Variants in DSG4 observed in about 807,000 individuals in gnomAD.
DSG4 encodes desmoglein-4.
DSG4 carries 87 observed loss-of-function variants against 93.1 expected under a neutral mutation model. The observed-to-expected ratio is 0.93, with a 90% CI of 0.79 to 1.12. The LOEUF is 1.12. Among genes scored for constraint, DSG4 ranks in the 50% most tolerant of loss-of-function variants. The pLI, the probability that DSG4 is intolerant of heterozygous loss-of-function variation, is 0.00. For missense variants in DSG4, 1,373 were observed against 1,285.7 expected (o/e 1.07, Z -1.04); for synonymous variants, 432 against 452.9 (o/e 0.95, Z 0.59).
chr18:31,381,904 C>T (rs1300964784), intron 1 of DSG4, among the ~76,000 whole-genome samples: 4 of 150,814 alleles, frequency 2.7e-5, no homozygotes, highest in South Asian at 4.2e-4. Context: ...CTCCTAACCT[C>T]GTGATCTGCC....
intron 2 of DSG4, among the ~76,000 whole-genome samples, chr18:31,386,124 T>A (rs1459727817): frequency 6.6e-6 from 1 of 152,076 alleles, no homozygotes; most frequent in Admixed American, 6.6e-5. Flanking sequence ...ATTGGAGGAA[T>A]CATCAATTCC....
intron 6 of DSG4, 34 bp from the exon 7 acceptor site, chr18:31,391,044 C>T (rs2072243141): frequency 6.2e-7 from 1 of 1,612,440 alleles, no homozygotes; most frequent in African/African-American, 1.3e-5. Context: ...CAAGACAAAA[C>T]CTAAGTCTTA....
chr18:31,395,051 G>T (rs1018992652), intron 8 of DSG4, among the ~76,000 whole-genome samples: 1 of 152,046 alleles, frequency 6.6e-6, no homozygotes, highest in African/African-American at 2.4e-5. Context: ...AAAGATAGTA[G>T]AGACTCACAA....
chr18:31,399,130 G>C (rs2144194654), intron 8 of DSG4, 142 bp from the exon 9 acceptor site: 1 of 1,014,874 alleles, frequency 9.9e-7, no homozygotes, highest in South Asian at 1.5e-5. Flanking sequence ...GCAGTAATAA[G>C]TAAAATTTTT....
chr18:31,403,552 T>C lies in DSG4; in HGVS notation c.1554T>C (p.His518=). The change falls in exon 11 of 16, where the codon CAT becomes CAC. Residue 518 remains histidine, a synonymous_variant. Transcript: ENST00000308128. ...SPSVLISVNE[H]SYGSPFTFCV... ...CAGTCCTTATCTCTGTTAATGAACA[T>C]TCTTATGGGTCTCCGTTTACTTTCT... The C allele has an allele frequency of 6.2e-7, 1 of 1,614,102 alleles. No homozygotes were observed. The highest frequency in any genetic ancestry group is 1.3e-5 in the African/African-American group (1 of 75,040).
intron 1 of DSG4, among the ~76,000 whole-genome samples, chr18:31,383,090 C>T (rs1208847784): frequency 6.6e-6 from 1 of 152,164 alleles, no homozygotes; most frequent in Non-Finnish European, 1.5e-5. Context: ...ACTATGAATG[C>T]GCCCTTGAAA....
chr18:31,413,419 A>C lies in DSG4; in HGVS notation c.2947A>C (p.Thr983Pro), dbSNP rs747773075. ...GVPDMSNSST[T>P]EGCMGPVMSG... ...GCCTGACATGAGCAATAGTAGCACGACTGAGGGTTGTATGGGACCTGTGAT... is the reference window on the plus strand; with the variant it reads ...GCCTGACATGAGCAATAGTAGCACGCCTGAGGGTTGTATGGGACCTGTGAT... Residue 983 changes from threonine (T) to proline (P), a missense_variant, in exon 16 of 16, where the codon ACT becomes CCT. Thr to Pro is a conservative substitution (Grantham distance 38). Coordinates refer to ENST00000308128, the MANE Select transcript of DSG4 (RefSeq NM_177986.5). 1 of 1,613,932 alleles carries C rather than the reference A, an allele frequency of 6.2e-7. No homozygotes were observed. The highest frequency in any genetic ancestry group is 8.5e-7 in the Non-Finnish European group (1 of 1,179,818).
intron 1 of DSG4, among the ~76,000 whole-genome samples, chr18:31,379,008 C>T (rs1273242489): frequency 2.0e-5 from 3 of 152,162 alleles, no homozygotes; most frequent in African/African-American, 4.8e-5. Flanking sequence ...TACATCTCAA[C>T]CGCAAAGAGC....
intron 10 of DSG4, among the ~76,000 whole-genome samples, chr18:31,403,183 G>A (rs1339048471): frequency 2.6e-5 from 4 of 152,168 alleles, no homozygotes; most frequent in Admixed American, 2.6e-4. Flanking sequence ...GAATGTGCCA[G>A]AGTCCAGAGT....
intron 10 of DSG4, 143 bp from the exon 11 acceptor site, chr18:31,403,273 T>G (rs1328228014): frequency 8.4e-6 from 6 of 710,478 alleles, no homozygotes; most frequent in East Asian, 8.1e-5. Flanking sequence ...TGACTTTGGG[T>G]CACTGAAGCG....
At chr18:31,407,962 A>G (rs79503724) in intron 12 of DSG4, among the ~76,000 whole-genome samples, 6,902 of 152,274 alleles carry the variant, frequency 0.045, 471 homozygotes, top group African/African-American at 0.15. Flanking sequence ...AGGGCTAAAA[A>G]CCCAGTGCCA....
chr18:31,383,008 A>G (rs1490721760), intron 1 of DSG4, among the ~76,000 whole-genome samples: 2 of 152,204 alleles, frequency 1.3e-5, no homozygotes, highest in Non-Finnish European at 2.9e-5. Flanking sequence ...TAAACTACAG[A>G]CAAGTCTGCT....
rs762893825 is a variant in DSG4 at position 31,386,690 on chromosome 18, G to T, written c.87G>T (p.Val29=). ...CACCTGAACCATTTTTGCTTAAGGT[G>T]AAGGAATTTGACATTGAAAATGGCA... The part of the protein sequence containing the change: ...MEVNSEFIVE[V]KEFDIENGTT... Residue 29 remains valine, a splice_region_variant and synonymous_variant, in exon 3 of 16, where the codon GTG becomes GTT. Transcript: ENST00000308128. 1.2e-5 allele frequency: 19 copies of T among 1,612,860 alleles called. No homozygotes were observed. The highest frequency in any genetic ancestry group is 1.6e-4 in the Middle Eastern group (1 of 6,076).
Position 31,403,451 on chromosome 18 carries a change from ATT to A in DSG4, c.1454_1455del (p.Ile485ArgfsTer4), listed in dbSNP as rs759548868. The A allele has an allele frequency of 1.2e-6, 2 of 1,613,666 alleles. No homozygotes were observed. The highest frequency in any genetic ancestry group is 2.2e-5 in the South Asian group (2 of 90,990). ...SGKTATGTIC[I>X]EVPDINDYCP... ...AAAAACAGCTACAGGAACCATATGT[ATT>A]GAGGTTCCTGATATCAATGATTATT... On this transcript the variant is annotated frameshift_variant, in exon 11 of 16. Transcript: ENST00000308128. LOFTEE classifies it high-confidence loss of function.
chr18:31,387,791 T>C (rs1441764309), intron 3 of DSG4, among the ~76,000 whole-genome samples: 1 of 152,158 alleles, frequency 6.6e-6, no homozygotes, highest in African/African-American at 2.4e-5. Flanking sequence ...TCAGTTTAAA[T>C]TTATCAGCAA....
At chr18:31,402,936 A>C (rs1035600517) in intron 10 of DSG4, among the ~76,000 whole-genome samples, 1 of 152,240 alleles carries the variant, frequency 6.6e-6, no homozygotes, top group African/African-American at 2.4e-5. Flanking sequence ...CAGTGAGCAC[A>C]CAAGAAAAAC....
At chr18:31,398,716 A>G (rs1259131252) in intron 8 of DSG4, among the ~76,000 whole-genome samples, 2 of 152,188 alleles carry the variant, frequency 1.3e-5, no homozygotes, top group Non-Finnish European at 2.9e-5. Context: ...TATGCCCCAT[A>G]AAGGAGTCTT....
intron 6 of DSG4, 47 bp from the exon 7 acceptor site, chr18:31,391,031 A>G (rs2072242891): frequency 6.2e-7 from 1 of 1,611,082 alleles, no homozygotes; most frequent in Non-Finnish European, 8.5e-7. Context: ...ATTGGATTCT[A>G]TTCAAGACAA....
intron 15 of DSG4, among the ~76,000 whole-genome samples, chr18:31,411,999 G>A (rs774753465): frequency 6.6e-6 from 1 of 152,126 alleles, no homozygotes; most frequent in East Asian, 1.9e-4. Context: ...ACTACGAAAA[G>A]GGGTCCAGCA....
Sources: allele counts gnomAD v4.1 joint callset (sites outside exome capture counted in the v4.1 genomes callset), GRCh38; gene constraint gnomAD v4.1.1; transcripts MANE v1.5; gene names NCBI Gene and HGNC (gene_info 2026-07-23, HGNC 2026-07-21).